Variants in SHROOM3 observed in about 807,000 individuals in gnomAD.
SHROOM3 encodes shroom family member 3.
In SHROOM3, 47 loss-of-function variants were observed where a neutral mutation model predicts 138.6. That is an observed-to-expected ratio of 0.34 (90% CI 0.27 to 0.43). The LOEUF (loss-of-function observed/expected upper bound fraction) is 0.43. SHROOM3 is among the 20% of genes least tolerant of loss of function. The pLI is 1.00. For missense variants in SHROOM3, 2,491 were observed against 2,596.5 expected, an observed-to-expected ratio of 0.96 and a Z score of 0.88; for synonymous variants, 1,062 against 1,063.3, an observed-to-expected ratio of 1.00 and a Z score of 0.02.
intron 2 of SHROOM3, among the ~76,000 whole-genome samples, chr4:76,656,328 C>T (rs1328684127): frequency 6.6e-6 from 1 of 152,170 alleles, no homozygotes; most frequent in East Asian, 1.9e-4. Context: ...ACAGTTCACA[C>T]CCAGTCCAAT....
At chr4:76,778,682 A>T in intron 10 of SHROOM3, 127 bp from the exon 11 acceptor site, 1 of 1,291,302 alleles carries the variant, frequency 7.7e-7, no homozygotes, top group South Asian at 1.3e-5. Flanking sequence ...TAGCCTCCTT[A>T]CTTAGGAGTG....
At chr4:76,598,659 TA>T (rs1162087695) in intron 2 of SHROOM3, among the ~76,000 whole-genome samples, 2 of 152,176 alleles carry the variant, frequency 1.3e-5, no homozygotes, top group African/African-American at 4.8e-5. Flanking sequence ...GGTGCAGCTG[TA>T]TCCACCTGGA....
At position 76,782,318 on chromosome 4, in the gene SHROOM3, G is replaced by C. The variant is rs1722754140; in HGVS notation, c.*3141G>C. ...TCCAGACTAGAAGATTAACAAGTTTGGGTCCACCCCTAAGAATCAGTGGCT... is the reference window on the plus strand; with the variant it reads ...TCCAGACTAGAAGATTAACAAGTTTCGGTCCACCCCTAAGAATCAGTGGCT... On this transcript the variant is annotated 3_prime_UTR_variant, in exon 11 of 11. Transcript: ENST00000296043. 1 of 152,176 alleles carries C rather than the reference G, an allele frequency of 6.6e-6. No individual in the cohort carries two copies. Among genetic ancestry groups the C allele is most frequent in the Non-Finnish European group, 1.5e-5 (1 of 68,032 alleles). 9.4% of individuals were successfully genotyped at this position (152,176 alleles called of 1,614,324 possible).
intron 2 of SHROOM3, among the ~76,000 whole-genome samples, chr4:76,668,239 G>C (rs753697282): frequency 3.3e-5 from 5 of 151,926 alleles, no homozygotes; most frequent in Admixed American, 2.0e-4. Flanking sequence ...AAGGTGGCGG[G>C]GCAGGATAGT....
intron 2 of SHROOM3, among the ~76,000 whole-genome samples, chr4:76,655,423 A>T (rs577842731): frequency 6.6e-6 from 1 of 152,364 alleles, no homozygotes; most frequent in Admixed American, 6.5e-5. Flanking sequence ...GAGGACCTTC[A>T]GTCCTATTGT....
chr4:76,717,227 A>G (rs9307163), intron 3 of SHROOM3, among the ~76,000 whole-genome samples: 8,403 of 152,194 alleles, frequency 0.055, 457 homozygotes, highest in East Asian at 0.23. Flanking sequence ...TTGCTCCCCT[A>G]TAGGTGAGGT....
At chr4:76,675,210 C>G (rs925530010) in intron 2 of SHROOM3, among the ~76,000 whole-genome samples, 1 of 151,930 alleles carries the variant, frequency 6.6e-6, no homozygotes, top group East Asian at 1.9e-4. Context: ...AGCTCAAAGT[C>G]CAGATGCGTA....
chr4:76,595,995 T>A (rs1734374958), intron 2 of SHROOM3, among the ~76,000 whole-genome samples: 1 of 152,178 alleles, frequency 6.6e-6, no homozygotes, highest in Non-Finnish European at 1.5e-5. Flanking sequence ...TCTGTGTACT[T>A]TACCCCTGCA....
chr4:76,750,826 A>G (rs1335164595), intron 6 of SHROOM3, among the ~76,000 whole-genome samples: 1 of 151,988 alleles, frequency 6.6e-6, no homozygotes, highest in Admixed American at 6.6e-5. Context: ...AAAAAAAAAA[A>G]CTTTCTGAGC....
intron 2 of SHROOM3, among the ~76,000 whole-genome samples, chr4:76,556,444 G>A (rs147761100): frequency 2.6e-5 from 4 of 152,282 alleles, no homozygotes; most frequent in African/African-American, 9.6e-5. Context: ...CCATGAGATA[G>A]CTAATCACTA....
At position 76,636,952 on chromosome 4, in the gene SHROOM3, T is replaced by G. The variant is rs1239721351; in HGVS notation, c.324-73204T>G. Among the ~76,000 whole-genome samples the G allele has an allele frequency of 2.0e-5, 3 of 152,204 alleles. 1 individual carries two copies. Among genetic ancestry groups the G allele is most frequent in the Non-Finnish European group, 4.4e-5 (3 of 68,032 alleles). Reference sequence around the variant, plus strand: ...ATGATTAATATTAGAAGTTCTTTGGTCGTTATTTAGAAGTTTGGTGATGTT... The same window carrying G: ...ATGATTAATATTAGAAGTTCTTTGGGCGTTATTTAGAAGTTTGGTGATGTT... On this transcript the variant is annotated intron_variant, in intron 2 of 10. Coordinates refer to ENST00000296043, the MANE Select transcript of SHROOM3 (RefSeq NM_020859.4).
chr4:76,537,688 TGGTGTTTATGAA>T (rs1322830295), intron 1 of SHROOM3, among the ~76,000 whole-genome samples: 1 of 152,112 alleles, frequency 6.6e-6, no homozygotes, highest in Non-Finnish European at 1.5e-5. Flanking sequence ...TTAAGATTTT[TGGTGTTTATGAA>T]GGTGCTTTTT....
chr4:76,607,435 C>T lies in SHROOM3; in HGVS notation c.323+51672C>T, dbSNP rs561962475. ...ATTTAAATTTGAAAAGATTCCCAGA[C>T]GTGGGATAGCAAAGGAAAGTCTTGA... On this transcript the variant is annotated intron_variant, in intron 2 of 10. Transcript: ENST00000296043. Among the ~76,000 whole-genome samples, 95 of 152,278 alleles carry T rather than the reference C, an allele frequency of 6.2e-4. No individual in the cohort carries two copies. The South Asian group carries it at 0.016, about 25-fold the overall frequency.
At chr4:76,731,862 C>T (rs996392425) in intron 4 of SHROOM3, among the ~76,000 whole-genome samples, 2 of 151,960 alleles carry the variant, frequency 1.3e-5, no homozygotes, top group Non-Finnish European at 2.9e-5. Flanking sequence ...CTGATCAGTA[C>T]CCAAGTCAAG....
intron 9 of SHROOM3, among the ~76,000 whole-genome samples, chr4:76,760,250 C>A (rs1721947894): frequency 6.6e-6 from 1 of 152,196 alleles, no homozygotes; most frequent in South Asian, 2.1e-4. Context: ...TAGTTGTTAG[C>A]ATTTGATACT....
intron 2 of SHROOM3, among the ~76,000 whole-genome samples, chr4:76,603,580 T>C (rs1577912623): frequency 1.3e-5 from 2 of 152,218 alleles, no homozygotes; most frequent in South Asian, 4.1e-4. Flanking sequence ...GTATTCTTTC[T>C]TTTCTTCTTC....
intron 3 of SHROOM3, among the ~76,000 whole-genome samples, chr4:76,710,539 A>G (rs559919190): frequency 6.6e-6 from 1 of 152,326 alleles, no homozygotes; most frequent in East Asian, 1.9e-4. Flanking sequence ...GGGTCCCACA[A>G]ATAGTTTGAT....
At chr4:76,750,773 GA>G (rs1721595477) in intron 6 of SHROOM3, among the ~76,000 whole-genome samples, 2 of 151,742 alleles carry the variant, frequency 1.3e-5, no homozygotes, top group East Asian at 1.9e-4. Context: ...ATTTTGTGGG[GA>G]GGGGGAAATC....
chr4:76,771,029 T>C (rs1023180123), intron 10 of SHROOM3, 131 bp downstream of exon 10: 9 of 1,189,684 alleles, frequency 7.6e-6, no homozygotes, highest in South Asian at 5.0e-5. Context: ...AGAGAATACA[T>C]GTATAGGTAA....
Sources: allele counts gnomAD v4.1 joint callset (sites outside exome capture counted in the v4.1 genomes callset), GRCh38; gene constraint gnomAD v4.1.1; transcripts MANE v1.5; gene names NCBI Gene and HGNC (gene_info 2026-07-23, HGNC 2026-07-21).